Variants in SAMTOR observed in about 807,000 individuals in gnomAD.
SAMTOR encodes S-adenosylmethionine sensor upstream of mTORC1, also known as UPF0532 protein C7orf60.
the SAMTOR span, among the ~76,000 whole-genome samples, chr7:112,920,869 C>A: frequency 6.6e-6 from 1 of 151,962 alleles, no homozygotes; most frequent in Non-Finnish European, 1.5e-5. Flanking sequence ...GAATAAAATA[C>A]CTAGGAATCC....
the SAMTOR span, among the ~76,000 whole-genome samples, chr7:112,861,620 T>C: frequency 6.6e-6 from 1 of 152,236 alleles, no homozygotes; most frequent in Non-Finnish European, 1.5e-5. Context: ...TGTCACATTT[T>C]CTTATTAATA....
chr7:112,865,310 T>C, the SAMTOR span, among the ~76,000 whole-genome samples: 25 of 151,870 alleles, frequency 1.6e-4, no homozygotes, highest in African/African-American at 5.8e-4. Context: ...ATAGAGTCTC[T>C]CTCTGTCACC....
At chr7:112,910,637 T>A in the SAMTOR span, among the ~76,000 whole-genome samples, 1 of 152,152 alleles carries the variant, frequency 6.6e-6, no homozygotes, top group Non-Finnish European at 1.5e-5. Flanking sequence ...GTATCTCTAA[T>A]GGCGGTACAC....
chr7:112,929,549 A>C, the SAMTOR span, among the ~76,000 whole-genome samples: 12 of 152,068 alleles, frequency 7.9e-5, no homozygotes, highest in Non-Finnish European at 1.3e-4. Context: ...TAAAAATAAA[A>C]CTACTACATG....
At chr7:112,894,928 G>A in the SAMTOR span, among the ~76,000 whole-genome samples, 1 of 152,122 alleles carries the variant, frequency 6.6e-6, no homozygotes, top group African/African-American at 2.4e-5. Flanking sequence ...AATAAAGCAA[G>A]CGCAATAAAT....
At chr7:112,861,936 C>T in the SAMTOR span, among the ~76,000 whole-genome samples, 4 of 152,228 alleles carry the variant, frequency 2.6e-5, no homozygotes, top group Admixed American at 1.3e-4. Flanking sequence ...TACTTTGGGT[C>T]ACATCGTTGT....
chr7:112,935,265 C>A, the SAMTOR span: 1 of 430,866 alleles, frequency 2.3e-6, no homozygotes, highest in Non-Finnish European at 4.6e-6. Context: ...TTAAAGCCCA[C>A]TGAGGAAAAA....
At chr7:112,901,704 T>C in the SAMTOR span, among the ~76,000 whole-genome samples, 2 of 152,100 alleles carry the variant, frequency 1.3e-5, no homozygotes, top group Non-Finnish European at 2.9e-5. Flanking sequence ...TAGAAAGAAC[T>C]CTTAAAACTC....
chr7:112,923,990 T>G, the SAMTOR span, among the ~76,000 whole-genome samples: 4 of 138,354 alleles, frequency 2.9e-5, no homozygotes, highest in Non-Finnish European at 4.6e-5. Context: ...GGGAATTGAA[T>G]AATGAGAACA....
At chr7:112,882,926 C>T in the SAMTOR span, among the ~76,000 whole-genome samples, 1 of 152,052 alleles carries the variant, frequency 6.6e-6, no homozygotes, top group African/African-American at 2.4e-5. Flanking sequence ...AACAAAAACT[C>T]CTAAACCAGA....
At chr7:112,865,127 C>T in the SAMTOR span, among the ~76,000 whole-genome samples, 3 of 152,102 alleles carry the variant, frequency 2.0e-5, no homozygotes, top group South Asian at 4.1e-4. Flanking sequence ...TTAAAATTAA[C>T]GCTATACTCT....
At chr7:112,848,718 CA>C in the SAMTOR span, among the ~76,000 whole-genome samples, 2 of 152,188 alleles carry the variant, frequency 1.3e-5, no homozygotes, top group South Asian at 4.1e-4. Flanking sequence ...ATGGACTTTC[CA>C]CAGACTCTCT....
chr7:112,905,011 C>T, the SAMTOR span, among the ~76,000 whole-genome samples: 8 of 152,094 alleles, frequency 5.3e-5, no homozygotes, highest in Non-Finnish European at 8.8e-5. Flanking sequence ...GCAAGCCAAC[C>T]GCTATCTAAC....
chr7:112,890,652 T>C, the SAMTOR span, among the ~76,000 whole-genome samples: 1 of 150,268 alleles, frequency 6.7e-6, no homozygotes, highest in Non-Finnish European at 1.5e-5. Context: ...ATATATATTA[T>C]AAAAATAAAA....
At chr7:112,864,319 C>T in the SAMTOR span, among the ~76,000 whole-genome samples, 1 of 152,040 alleles carries the variant, frequency 6.6e-6, no homozygotes, top group South Asian at 2.1e-4. Flanking sequence ...ATAATCTGTA[C>T]AACAAACCCC....
the SAMTOR span, chr7:112,915,545 C>A: frequency 1.6e-5 from 15 of 937,904 alleles, no homozygotes; most frequent in Middle Eastern, 2.4e-4. Flanking sequence ...AAGATAAATA[C>A]AAGCAAAATT....
At chr7:112,937,408 C>T in the SAMTOR span, among the ~76,000 whole-genome samples, 1 of 152,074 alleles carries the variant, frequency 6.6e-6, no homozygotes, top group Non-Finnish European at 1.5e-5. Context: ...CTTCAGATTA[C>T]AATAACAGCT....
chr7:112,903,530 T>C, the SAMTOR span, among the ~76,000 whole-genome samples: 1 of 152,098 alleles, frequency 6.6e-6, no homozygotes, highest in African/African-American at 2.4e-5. Context: ...TAGCATCACA[T>C]TAATGCTAAA....
chr7:112,893,949 C>T, the SAMTOR span, among the ~76,000 whole-genome samples: 1 of 152,230 alleles, frequency 6.6e-6, no homozygotes, highest in Non-Finnish European at 1.5e-5. Context: ...CCTTTGAATT[C>T]ACAACTCAGT....
Sources: allele counts gnomAD v4.1 joint callset (sites outside exome capture counted in the v4.1 genomes callset), GRCh38; gene constraint gnomAD v4.1.1; transcripts MANE v1.5; gene names NCBI Gene and HGNC (gene_info 2026-07-23, HGNC 2026-07-21).